CCNL2: variants seen among roughly 807,000 people sequenced by gnomAD.
CCNL2 encodes cyclin-L2.
A neutral mutation model predicts 59.1 loss-of-function variants in CCNL2; 28 were observed. The observed-to-expected ratio is 0.47, with a 90% CI of 0.35 to 0.65. The LOEUF is 0.65. CCNL2 is among the 30% of genes least tolerant of loss of function. The probability of loss-of-function intolerance (pLI) is 0.00; values close to 1 mark genes in which losing one functional copy is unlikely to be tolerated. For missense variants in CCNL2, 714 were observed against 717.4 expected, an observed-to-expected ratio of 1.00 and a Z score of 0.05; for synonymous variants, 342 against 288.6, an observed-to-expected ratio of 1.19 and a Z score of -1.88.
At chr1:1,392,483 C>T in intron 5 of CCNL2, 2 of 1,258,626 alleles carry the variant, frequency 1.6e-6, no homozygotes, top group South Asian at 5.4e-5. Flanking sequence ...CACAGCTTTC[C>T]ATAGCATTTT....
At chr1:1,396,438 A>G (rs976247952) in intron 3 of CCNL2, among the ~76,000 whole-genome samples, 8 of 149,802 alleles carry the variant, frequency 5.3e-5, no homozygotes, top group East Asian at 4.1e-4. Flanking sequence ...AGCTAATTTT[A>G]TATTTGTAGT....
chr1:1,387,323 T>C lies in CCNL2; in HGVS notation c.1471A>G (p.Arg491Gly), dbSNP rs958984651. ...CTCGAGCGCTCTCGTCGCTGATCTC[T>C]GTAGTAATGACTTTTCTTCTTGTAT... is the stretch of plus-strand genomic sequence containing the variant. ...GKYKKKSHYY[R>G]DQRRERSRSY... The change falls in exon 11 of 11, where the codon AGA (arginine) becomes GGA (glycine). Residue 491 changes from arginine (R) to glycine (G), a missense_variant. Around this residue, in one of 5 missense-constraint regions of CCNL2, gnomAD observed 403 missense variants for 377.7 expected, o/e 1.07. Coordinates refer to ENST00000400809, the MANE Select transcript of CCNL2 (RefSeq NM_030937.6). 1.9e-6 allele frequency: 3 copies of C among 1,613,992 alleles called. No individual in the cohort carries two copies. The highest frequency in any genetic ancestry group is 1.3e-5 in the African/African-American group (1 of 74,948).
At position 1,395,077 on chromosome 1, in the gene CCNL2, C is replaced by CA. The variant is rs200243377; in HGVS notation, c.594+316dup. 190 of 255,714 alleles carry CA rather than the reference C, an allele frequency of 7.4e-4. No individual in the cohort carries two copies. The East Asian group carries it at 7.6e-3, about 10-fold the overall frequency. 15.8% of individuals were successfully genotyped at this position (255,714 alleles called of 1,614,324 possible). A position where few individuals can be genotyped will look rare whatever the true frequency, so the allele number is the denominator to read the frequency against. On this transcript the variant is annotated intron_variant, in intron 4 of 10. Coordinates refer to ENST00000400809, the MANE Select transcript of CCNL2 (RefSeq NM_030937.6). ...AACTCCATCTCAAAAAAAAAGAAAA[C>CA]AAAAAAAAATTAACTGTAGAGAAAG... is the stretch of plus-strand genomic sequence containing the variant.
intron 6 of CCNL2, 90 bp downstream of exon 6, chr1:1,390,676 A>C (rs1644717062): frequency 6.8e-7 from 1 of 1,479,378 alleles, no homozygotes; most frequent in Non-Finnish European, 9.4e-7. Context: ...CCCAGATTAG[A>C]GTAATTTGAA....
At chr1:1,393,240 T>G in intron 5 of CCNL2, 156 bp downstream of exon 5, 1 of 653,678 alleles carries the variant, frequency 1.5e-6, no homozygotes, top group East Asian at 2.6e-5. Context: ...ATTTTGGGAG[T>G]CTGATTGGAA....
chr1:1,395,011 C>CT (rs1215610554), intron 4 of CCNL2, among the ~76,000 whole-genome samples: 1 of 152,036 alleles, frequency 6.6e-6, no homozygotes, highest in African/African-American at 2.4e-5. Flanking sequence ...TCCACTGCCA[C>CT]TGCCACCATG....
At chr1:1,398,934 G>C in intron 1 of CCNL2, 85 bp downstream of exon 1, 1 of 1,462,686 alleles carries the variant, frequency 6.8e-7, no homozygotes, top group Non-Finnish European at 9.0e-7. Flanking sequence ...CTAGGCGGGG[G>C]CGGTGCGGGC....
chr1:1,395,207 T>C (rs978419632), intron 4 of CCNL2, 187 bp downstream of exon 4: 7 of 535,596 alleles, frequency 1.3e-5, no homozygotes, highest in Non-Finnish European at 2.2e-5. Flanking sequence ...GTTACTAAAA[T>C]AAACAGCTGA....
chr1:1,391,418 CA>C (rs1644755752), intron 5 of CCNL2: 1 of 1,198,314 alleles, frequency 8.3e-7, no homozygotes, highest in Non-Finnish European at 1.1e-6. Context: ...GACCGAGCTG[CA>C]GCTTCCTTGA....
intron 6 of CCNL2, 71 bp from the exon 7 acceptor site, chr1:1,390,634 A>C (rs903897070): frequency 2.7e-6 from 4 of 1,493,438 alleles, no homozygotes; most frequent in Non-Finnish European, 2.8e-6. Flanking sequence ...GGACAATTAA[A>C]AAACAGCCTG....
chr1:1,387,125 C>A lies in CCNL2; in HGVS notation c.*106G>T. ...GAATCCTGTTCTAGGACCACTTGCG[C>A]TGAGAGCACACCCGGGGGTCAAAGG... On this transcript the variant is annotated 3_prime_UTR_variant, in exon 11 of 11. Coordinates refer to ENST00000400809, the MANE Select transcript of CCNL2 (RefSeq NM_030937.6). 1.2e-6 allele frequency: 1 copy of A among 844,332 alleles called. No individual in the cohort carries two copies. Among genetic ancestry groups the A allele is most frequent in the Non-Finnish European group, 1.9e-6 (1 of 536,350 alleles). The allele number at this position is 844,332 out of a possible 1,614,324, so 52.3% of individuals were successfully genotyped here.
chr1:1,391,177 G>T, intron 5 of CCNL2: 1 of 1,156,312 alleles, frequency 8.6e-7, no homozygotes, highest in South Asian at 2.5e-5. Context: ...CCTCAACCTT[G>T]GCCTGCTCTC....
chr1:1,396,042 G>C (rs531567393), intron 3 of CCNL2, among the ~76,000 whole-genome samples: 23 of 151,878 alleles, frequency 1.5e-4, no homozygotes, highest in Middle Eastern at 6.8e-3. Context: ...AGCCGGGCGT[G>C]GTGGCGGGTG....
At chr1:1,395,790 C>T (rs376939169) in intron 3 of CCNL2, among the ~76,000 whole-genome samples, 1 of 152,134 alleles carries the variant, frequency 6.6e-6, no homozygotes, top group Non-Finnish European at 1.5e-5. Context: ...TTTAGGATCT[C>T]GTGGCACAAA....
chr1:1,393,709 G>T lies in CCNL2; in HGVS notation c.595-249C>A, dbSNP rs1006449848. The stretch of plus-strand genomic sequence containing the variant: ...CCACGGCACAGGCCTCGTTCTTCAT[G>T]GGGCTGGTTTCATTCTAGTCTTCAA... On this transcript the variant is annotated intron_variant, in intron 4 of 10. Coordinates refer to ENST00000400809, the MANE Select transcript of CCNL2 (RefSeq NM_030937.6). Among the ~76,000 whole-genome samples the T allele has an allele frequency of 3.3e-5, 5 of 152,256 alleles. No homozygotes were observed. In the South Asian group the frequency reaches 1.0e-3, roughly 31 times the overall value.
chr1:1,388,115 T>C (rs1039515178), intron 8 of CCNL2, 50 bp from the exon 9 acceptor site: 1 of 1,463,146 alleles, frequency 6.8e-7, no homozygotes, highest in Non-Finnish European at 9.6e-7. Flanking sequence ...ACTCTCCCAA[T>C]AAGAAACAAG....
Position 1,398,622 on chromosome 1 carries a change from T to C in CCNL2, c.338A>G (p.Lys113Arg), listed in dbSNP as rs1221660076. 1.2e-6 allele frequency: 2 copies of C among 1,614,048 alleles called. No individual in the cohort carries two copies. The highest frequency in any genetic ancestry group is 1.1e-5 in the South Asian group (1 of 91,084). The change falls in exon 2 of 11, where the codon AAG (lysine) becomes AGG (arginine). Residue 113 changes from lysine to arginine, a missense_variant. Around this residue, in one of 5 missense-constraint regions of CCNL2, gnomAD observed 270 missense variants for 254.9 expected, o/e 1.06. Coordinates refer to ENST00000400809, the MANE Select transcript of CCNL2 (RefSeq NM_030937.6). Reference protein sequence around the residue: ...QVLFQRFFYTKSFVKHSMEHV... With the variant: ...QVLFQRFFYTRSFVKHSMEHV... ...CTCCATGGAGTGCTTCACGAAGGAC[T>C]TGGTATAAAAGAACCGCTGGAACAA...
intron 1 of CCNL2, 137 bp from the exon 2 acceptor site, chr1:1,398,808 G>T (rs1169060192): frequency 8.1e-7 from 1 of 1,240,324 alleles, no homozygotes; most frequent in Non-Finnish European, 1.1e-6. Flanking sequence ...GGCTCTTCGC[G>T]TCCCGCCGTC....
At chr1:1,388,678 C>T (rs1454162392) in intron 8 of CCNL2, 3 of 400,490 alleles carry the variant, frequency 7.5e-6, no homozygotes, top group Non-Finnish European at 1.5e-5. Flanking sequence ...GGCTGAGGCA[C>T]AAGAATCACC....
Sources: allele counts gnomAD v4.1 joint callset (sites outside exome capture counted in the v4.1 genomes callset), GRCh38; gene constraint gnomAD v4.1.1; regional missense constraint gnomAD v4.1.1; transcripts MANE v1.5; gene names NCBI Gene and HGNC (gene_info 2026-07-23, HGNC 2026-07-21).